Variants in CAP2 observed in about 807,000 individuals in gnomAD.
CAP2 encodes adenylyl cyclase-associated protein 2.
CAP2 carries 24 observed loss-of-function variants against 57.7 expected under a neutral mutation model. That is an observed-to-expected ratio of 0.42 (90% CI 0.30 to 0.58). The LOEUF is 0.58. CAP2 is among the 20% of genes least tolerant of loss of function. CAP2 has a pLI of 0.22. For synonymous variants in CAP2, 194 were observed against 207.2 expected (o/e 0.94, Z 0.55); for missense variants, 501 against 590.3 (o/e 0.85, Z 1.57).
At chr6:17,497,683 A>G (rs541139020) in intron 4 of CAP2, among the ~76,000 whole-genome samples, 2 of 152,336 alleles carry the variant, frequency 1.3e-5, no homozygotes, top group South Asian at 4.1e-4. Context: ...GTTCCCTTAT[A>G]CAAGGGAAAT....
chr6:17,499,928 C>A (rs1761761694), intron 4 of CAP2, among the ~76,000 whole-genome samples: 1 of 151,274 alleles, frequency 6.6e-6, no homozygotes, highest in Non-Finnish European at 1.5e-5. Flanking sequence ...AGTTTAGCAA[C>A]CCTAAAATAA....
chr6:17,478,615 C>A (rs762558285), intron 4 of CAP2, among the ~76,000 whole-genome samples: 8 of 152,036 alleles, frequency 5.3e-5, no homozygotes, highest in Admixed American at 2.0e-4. Context: ...AATGAGTTTT[C>A]TCTGTTTAAA....
chr6:17,454,167 C>T (rs1027772382), intron 3 of CAP2, among the ~76,000 whole-genome samples: 2 of 151,922 alleles, frequency 1.3e-5, no homozygotes, highest in Non-Finnish European at 2.9e-5. Context: ...ACCTCAGCTT[C>T]CCAAAGTACT....
At chr6:17,524,078 A>G (rs1477706616) in intron 7 of CAP2, among the ~76,000 whole-genome samples, 44 of 70,176 alleles carry the variant, frequency 6.3e-4, no homozygotes, top group Admixed American at 2.2e-3. Flanking sequence ...CTGTCTCAAA[A>G]AAAAAAAAAA....
At chr6:17,400,550 A>G (rs1016627220) in intron 1 of CAP2, among the ~76,000 whole-genome samples, 2 of 152,112 alleles carry the variant, frequency 1.3e-5, no homozygotes, top group African/African-American at 4.8e-5. Context: ...GTTTCTATTT[A>G]GTTTTAGTCA....
chr6:17,510,516 A>G (rs559982562), intron 6 of CAP2, among the ~76,000 whole-genome samples: 1 of 152,278 alleles, frequency 6.6e-6, no homozygotes, highest in Admixed American at 6.5e-5. Context: ...AACTTTGGTT[A>G]AAACAGTTGT....
At chr6:17,506,070 A>G (rs1374258297) in intron 4 of CAP2, among the ~76,000 whole-genome samples, 1 of 150,026 alleles carries the variant, frequency 6.7e-6, no homozygotes, top group Non-Finnish European at 1.5e-5. Context: ...CATTTTTCAC[A>G]TTTTTTTTTG....
chr6:17,425,196 T>C (rs1221441746), intron 2 of CAP2, among the ~76,000 whole-genome samples: 1 of 152,218 alleles, frequency 6.6e-6, no homozygotes, highest in Non-Finnish European at 1.5e-5. Flanking sequence ...TAGATTTTGG[T>C]TAGAGTTTTC....
rs148613443 is a variant in CAP2, at chr6:17,551,579, T to C, written c.1325T>C (p.Ile442Thr). ...AGCGCCAAGTCATCTGAAATGAACA[T>C]ACTTATCCCTCAGGATGGTGATTAT... The part of the protein sequence containing the change: ...IVSAKSSEMN[I>T]LIPQDGDYRE... The change falls in exon 12 of 13, where the codon ATA becomes ACA. Residue 442 changes from isoleucine to threonine, a missense_variant. Coordinates refer to ENST00000229922, the MANE Select transcript of CAP2 (RefSeq NM_006366.3). 5 of 1,610,530 alleles carry C rather than the reference T, an allele frequency of 3.1e-6. No individual in the cohort carries two copies. The highest frequency in any genetic ancestry group is 4.2e-6 in the Non-Finnish European group (5 of 1,178,042).
At chr6:17,463,590 G>A (rs1338129013) in intron 4 of CAP2, among the ~76,000 whole-genome samples, 1 of 152,182 alleles carries the variant, frequency 6.6e-6, no homozygotes, top group Non-Finnish European at 1.5e-5. Flanking sequence ...GGGCTAAATT[G>A]GTGGTTAAGT....
intron 3 of CAP2, among the ~76,000 whole-genome samples, chr6:17,453,016 T>C (rs1008451519): frequency 6.6e-6 from 1 of 152,264 alleles, no homozygotes; most frequent in Non-Finnish European, 1.5e-5. Context: ...AGGGATGTTA[T>C]GGTTTCTCCA....
Position 17,542,785 on chromosome 6 carries a change from G to A in CAP2, c.1003-52G>A, listed in dbSNP as rs139239123. 225 of 1,463,948 alleles carry A rather than the reference G, an allele frequency of 1.5e-4. No homozygotes were observed. The African/African-American group carries it at 2.9e-3, about 19-fold the overall frequency. 90.7% of individuals were successfully genotyped at this position (1,463,948 alleles called of 1,614,324 possible). ...CTCGTACTAATTTCAGTGTGCAGTG[G>A]TTTCTGTTTATATATGCTGATGTTT... On this transcript the variant is annotated intron_variant, in intron 9 of 12. Transcript: ENST00000229922.
chr6:17,507,522 A>G, intron 5 of CAP2, 119 bp from the exon 6 acceptor site: 1 of 795,882 alleles, frequency 1.3e-6, no homozygotes, highest in South Asian at 1.6e-5. Context: ...ACAGAGCAAC[A>G]TGTGCCTCCC....
Position 17,507,149 on chromosome 6 carries a change from C to A in CAP2, c.301-20C>A. The A allele has an allele frequency of 6.2e-7, 1 of 1,614,008 alleles. No homozygotes were observed. The highest frequency in any genetic ancestry group is 8.5e-7 in the Non-Finnish European group (1 of 1,179,934). Reference sequence around the variant, plus strand: ...CTGCTCTGTCTGTAGTAAAAGCCCCCGATGTTTGACTGCTTACAGAATGAC... The same window carrying A: ...CTGCTCTGTCTGTAGTAAAAGCCCCAGATGTTTGACTGCTTACAGAATGAC... On this transcript the variant is annotated intron_variant, in intron 4 of 12. Transcript: ENST00000229922.
chr6:17,507,243 G>A lies in CAP2; in HGVS notation c.375G>A (p.Arg125=), dbSNP rs745780796. The change falls in exon 5 of 13, where the codon CGG becomes CGA. Residue 125 remains arginine (R), a synonymous_variant. Coordinates refer to ENST00000229922, the MANE Select transcript of CAP2 (RefSeq NM_006366.3). ...TCCAAACTTTCAGAGAGAGAAACCG[G>A]GGGAGTAACATGTTTAATCATCTTT... ...QEIQTFRERN[R]GSNMFNHLSA... is the part of the protein sequence containing the mutation. The A allele has an allele frequency of 6.2e-7, 1 of 1,614,158 alleles. No individual in the cohort carries two copies. The highest frequency in any genetic ancestry group is 8.5e-7 in the Non-Finnish European group (1 of 1,180,004).
intron 8 of CAP2, among the ~76,000 whole-genome samples, chr6:17,540,274 A>G (rs1762867713): frequency 6.6e-6 from 1 of 152,194 alleles, no homozygotes; most frequent in South Asian, 2.1e-4. Flanking sequence ...CGTAAAGTCA[A>G]TTCCATATCC....
intron 4 of CAP2, among the ~76,000 whole-genome samples, chr6:17,504,201 G>GT (rs1341203105): frequency 1.3e-5 from 2 of 152,124 alleles, no homozygotes; most frequent in African/African-American, 4.8e-5. Context: ...CCAGCCACCT[G>GT]TTGTGCACCC....
Position 17,401,994 on chromosome 6 carries a change from G to A in CAP2, c.-2+8248G>A, listed in dbSNP as rs183049324. 2.0e-4 allele frequency among the ~76,000 whole-genome samples: 31 copies of A among 152,228 alleles called. No homozygotes were observed. In the South Asian group the frequency reaches 2.5e-3, roughly 12 times the overall value. ...GTGAGTCTCTATATAATATATAATT[G>A]GGGATGGAACTCATTTTTATGCTTC... On this transcript the variant is annotated intron_variant, in intron 1 of 12. Transcript: ENST00000229922.
chr6:17,414,892 T>C (rs1759237210), intron 1 of CAP2, among the ~76,000 whole-genome samples: 1 of 152,214 alleles, frequency 6.6e-6, no homozygotes, highest in South Asian at 2.1e-4. Context: ...GTGTTCCTGT[T>C]TCTCCACAGC....
Sources: allele counts gnomAD v4.1 joint callset (sites outside exome capture counted in the v4.1 genomes callset), GRCh38; gene constraint gnomAD v4.1.1; transcripts MANE v1.5; gene names NCBI Gene and HGNC (gene_info 2026-07-23, HGNC 2026-07-21).